The following PRH1 variants were observed in gnomAD, a reference collection of about 807,000 sequenced individuals.
PRH1 encodes proline rich protein HaeIII subfamily 1.
A neutral mutation model predicts 7.9 loss-of-function variants in PRH1; 7 were observed. That is an observed-to-expected ratio of 0.89 (90% confidence interval 0.50 to 1.67). The LOEUF (loss-of-function observed/expected upper bound fraction) is 1.67. Ranked by LOEUF, PRH1 falls within the 40% of genes most tolerant of loss-of-function variation. The pLI is 0.00. For missense variants in PRH1, 109 were observed against 223.6 expected, an observed-to-expected ratio of 0.49 and a Z score of 3.27; for synonymous variants, 45 against 80.8, an observed-to-expected ratio of 0.56 and a Z score of 2.38.
chr12:10,933,945 A>T (rs1239900096), intron 2 of PRH1, among the ~76,000 whole-genome samples: 1 of 152,156 alleles, frequency 6.6e-6, no homozygotes, highest in East Asian at 1.9e-4. Flanking sequence ...CCAGAAAATA[A>T]CAAGAGATTC....
Position 10,992,671 on chromosome 12 carries a change from C to T in PRH1, c.-125-18950G>A, listed in dbSNP as rs913580935. Among the ~76,000 whole-genome samples the T allele has an allele frequency of 2.6e-5, 4 of 152,110 alleles. No individual in the cohort carries two copies. The South Asian group carries it at 8.3e-4, about 32-fold the overall frequency. On this transcript the variant is annotated intron_variant, in intron 1 of 3. Transcript: ENST00000539853. ...CAAGTGCTCCTCCCACCTCAGCCTC[C>T]CAAATTGTTTGGATTACAGGTGTGA...
At chr12:10,971,302 A>T (rs993833225) in intron 2 of PRH1, among the ~76,000 whole-genome samples, 4 of 152,188 alleles carry the variant, frequency 2.6e-5, no homozygotes, top group African/African-American at 9.7e-5. Context: ...TATTTTTGAA[A>T]ACTTTATATA....
chr12:11,114,998 C>T (rs1038646571), intron 1 of PRH1, among the ~76,000 whole-genome samples: 1 of 152,042 alleles, frequency 6.6e-6, no homozygotes, highest in African/African-American at 2.4e-5. Flanking sequence ...GAGCAGACCA[C>T]AACATAACCA....
intron 1 of PRH1, among the ~76,000 whole-genome samples, chr12:11,160,562 C>G (rs551738864): frequency 3.3e-4 from 50 of 152,134 alleles, no homozygotes; most frequent in Non-Finnish European, 6.5e-4. Flanking sequence ...CCTCCGCCTC[C>G]CAGGTTCAAG....
At chr12:11,160,410 T>C (rs187612622) in intron 1 of PRH1, among the ~76,000 whole-genome samples, 2 of 152,280 alleles carry the variant, frequency 1.3e-5, no homozygotes, top group East Asian at 1.9e-4. Flanking sequence ...CAGTGAAGAA[T>C]TGACTATAGT....
intron 2 of PRH1, chr12:10,894,869 G>T (rs539210841): frequency 1.3e-5 from 2 of 152,256 alleles, no homozygotes; most frequent in East Asian, 1.9e-4. Context: ...GTAGGTGAAA[G>T]AAACAAATGT....
At chr12:10,908,634 G>GATACAAA (rs746520939) in intron 2 of PRH1, 1 of 1,613,874 alleles carries the variant, frequency 6.2e-7, no homozygotes, top group African/African-American at 1.3e-5. Context: ...CTTGGTCCTG[G>GATACAAA]GGTCTCTGTG....
intron 1 of PRH1, among the ~76,000 whole-genome samples, chr12:10,883,936 CT>C (rs1302628495): frequency 3.3e-5 from 5 of 152,296 alleles, no homozygotes; most frequent in South Asian, 4.1e-4. Flanking sequence ...TCTCACACCC[CT>C]AGTACGAATT....
chr12:11,008,271 G>A (rs928761180), intron 1 of PRH1, among the ~76,000 whole-genome samples: 12 of 151,938 alleles, frequency 7.9e-5, no homozygotes, highest in Non-Finnish European at 1.8e-4. Flanking sequence ...TACGTAATGA[G>A]AAGATTAATA....
At chr12:10,997,708 A>G (rs1413279352) in intron 1 of PRH1, 1 of 1,613,876 alleles carries the variant, frequency 6.2e-7, no homozygotes, top group Non-Finnish European at 8.5e-7. Context: ...AGAGCAAACC[A>G]ACTCTGGAGA....
chr12:11,088,537 G>C lies in PRH1; in HGVS notation n.124-41349C>G, dbSNP rs1331909065. 2.6e-5 allele frequency among the ~76,000 whole-genome samples: 2 copies of C among 76,344 alleles called. 1 individual carries two copies. Among genetic ancestry groups the C allele is most frequent in the Non-Finnish European group, 6.5e-5 (2 of 30,890 alleles). The allele number at this position is 76,344 out of a possible 152,430, so 50.1% of individuals were successfully genotyped here. ...ATTCAGTGTCCCTAGACCACACGTT[G>C]AAACAATCTTTTTTACAGTATATGG... On this transcript the variant is annotated intron_variant and non_coding_transcript_variant, in intron 1 of 4. Coordinates refer to the PRH1 transcript ENST00000541977.
At chr12:11,062,309 A>T in intron 1 of PRH1, 2 of 1,586,146 alleles carry the variant, frequency 1.3e-6, no homozygotes, top group South Asian at 2.3e-5. Flanking sequence ...GAACAGACAA[A>T]AAGAAATTTT....
In PRH1 at chr12:10,915,825, A is replaced by G. The variant is rs558688955; in HGVS notation, c.-58-31550T>C. ...TCTTCTTTGTCTGTCCTATAAAAGCATCCCCATCGCGTTCCCTCGGTAGAG... is the reference window on the plus strand; with the variant it reads ...TCTTCTTTGTCTGTCCTATAAAAGCGTCCCCATCGCGTTCCCTCGGTAGAG... On this transcript the variant is annotated intron_variant, in intron 2 of 3. Coordinates refer to the PRH1 transcript ENST00000539853. 3.3e-5 allele frequency among the ~76,000 whole-genome samples: 5 copies of G among 152,302 alleles called. No individual in the cohort carries two copies. The East Asian group carries it at 9.7e-4, about 29-fold the overall frequency.
intron 1 of PRH1, among the ~76,000 whole-genome samples, chr12:11,101,500 TAGAAA>T (rs1036559662): frequency 4.0e-5 from 6 of 151,458 alleles, no homozygotes; most frequent in African/African-American, 1.5e-4. Context: ...AAAATAAAAA[TAGAAA>T]AGTTTTAAAT....
At chr12:11,118,867 C>T (rs963949442), downstream of PRH1, among the ~76,000 whole-genome samples, 3 of 151,826 alleles carry the variant, frequency 2.0e-5, no homozygotes, top group Non-Finnish European at 2.9e-5. Flanking sequence ...TGGTGGCTGG[C>T]GCCTGTAGTC....
In PRH1 at chr12:10,931,032, A is replaced by G. The variant is rs186738910; in HGVS notation, c.-59+42623T>C. 1,199 of 1,592,068 alleles carry G rather than the reference A, an allele frequency of 7.5e-4. 3 individuals carry two copies. In the East Asian group the frequency reaches 0.023, roughly 30 times the overall value. On this transcript the variant is annotated intron_variant, in intron 2 of 3. Coordinates refer to the PRH1 transcript ENST00000539853. The stretch of plus-strand genomic sequence containing the variant: ...CACCTCCCCAAGGGGGCCGCCCACA[A>G]GGACCTCCACAGGGGCAGTCTCCTC...
chr12:10,987,038 G>A, intron 1 of PRH1: 1 of 439,254 alleles, frequency 2.3e-6, no homozygotes, highest in Non-Finnish European at 3.9e-6. Context: ...GCTAATGGAT[G>A]AGTTTGATGT....
chr12:10,972,858 T>G (rs1290580307), intron 2 of PRH1, among the ~76,000 whole-genome samples: 1 of 151,480 alleles, frequency 6.6e-6, no homozygotes, highest in South Asian at 2.1e-4. Context: ...CTCTTTAAAA[T>G]CTGGTTGCTG....
chr12:11,080,457 G>A (rs73062966), intron 1 of PRH1, among the ~76,000 whole-genome samples: 249 of 78,070 alleles, frequency 3.2e-3, no homozygotes, highest in Admixed American at 4.1e-3. Context: ...CATATCATTT[G>A]CTACAATTCT....
Sources: allele counts gnomAD v4.1 joint callset (sites outside exome capture counted in the v4.1 genomes callset), GRCh38; gene constraint gnomAD v4.1.1; transcripts MANE v1.5; gene names NCBI Gene and HGNC (gene_info 2026-07-23, HGNC 2026-07-21).